C8orf34: variants seen among roughly 807,000 people sequenced by gnomAD.
C8orf34 encodes chromosome 8 open reading frame 34.
A neutral mutation model predicts 68.3 loss-of-function variants in C8orf34; 65 were observed. The observed-to-expected ratio is 0.95, with a 90% confidence interval of 0.78 to 1.17. The LOEUF (loss-of-function observed/expected upper bound fraction) is 1.17, where lower values mean the gene tolerates loss of function less well. C8orf34 is among the 50% of genes most tolerant of loss of function. The pLI is 0.00. For missense variants in C8orf34, 664 were observed against 655.4 expected, an observed-to-expected ratio of 1.01 and a Z score of -0.14; for synonymous variants, 244 against 241.2, an observed-to-expected ratio of 1.01 and a Z score of -0.11.
chr8:68,597,218 T>C (rs1012559783), intron 7 of C8orf34, among the ~76,000 whole-genome samples: 2 of 151,914 alleles, frequency 1.3e-5, no homozygotes, highest in Non-Finnish European at 2.9e-5. Context: ...GGATACCCCC[T>C]TGGAACAAGC....
At chr8:68,791,835 A>G (rs528590156) in intron 12 of C8orf34, 52 of 152,338 alleles carry the variant, frequency 3.4e-4, no homozygotes, top group African/African-American at 1.2e-3. Context: ...GGACTGACTC[A>G]GGTATAAAAA....
chr8:68,523,796 G>A (rs753345348), intron 6 of C8orf34, among the ~76,000 whole-genome samples: 51 of 152,260 alleles, frequency 3.3e-4, no homozygotes, highest in Admixed American at 2.0e-3. Context: ...TCCAGAGTCC[G>A]TAACTATAGT....
At chr8:68,685,461 G>T (rs184078539) in intron 8 of C8orf34, among the ~76,000 whole-genome samples, 1 of 152,014 alleles carries the variant, frequency 6.6e-6, no homozygotes, top group South Asian at 2.1e-4. Context: ...AAAATTGTCC[G>T]TGTATAAATC....
intron 8 of C8orf34, among the ~76,000 whole-genome samples, chr8:68,701,562 A>C (rs1821018079): frequency 6.6e-6 from 1 of 151,702 alleles, no homozygotes; most frequent in Admixed American, 6.6e-5. Context: ...AAGCCAGTCC[A>C]TTTCTGAGCA....
chr8:68,490,375 T>C lies in C8orf34; in HGVS notation c.765+2324T>C, dbSNP rs73264494. ...GCTTTGGTGTCCACACCTTTGTTGA[T>C]GAGCTAAAGAATTTTAACTGTTCTT... On this transcript the variant is annotated intron_variant, in intron 5 of 13. Transcript: ENST00000518698. Among the ~76,000 whole-genome samples, 1,298 of 152,254 alleles carry C rather than the reference T, an allele frequency of 8.5e-3. 20 individuals are homozygous for C. The highest frequency in any genetic ancestry group is 0.027 in the African/African-American group (1,139 of 41,536).
At chr8:68,421,351 C>G (rs902940708) in intron 1 of C8orf34, among the ~76,000 whole-genome samples, 1 of 152,034 alleles carries the variant, frequency 6.6e-6, no homozygotes, top group African/African-American at 2.4e-5. Context: ...AGATTGGGAG[C>G]CAAAGAGGCT....
chr8:68,614,967 A>G (rs1225855428), intron 7 of C8orf34, among the ~76,000 whole-genome samples: 1 of 152,216 alleles, frequency 6.6e-6, no homozygotes, highest in Non-Finnish European at 1.5e-5. Flanking sequence ...TATTTCATTG[A>G]GCAGTGGTTT....
At position 68,466,765 on chromosome 8, in the gene C8orf34, A is replaced by ATATATATATATG. The variant is rs1242128072; in HGVS notation, c.608-1927_608-1926insTATATATATATG. 9.6e-4 allele frequency among the ~76,000 whole-genome samples: 119 copies of ATATATATATATG among 123,326 alleles called. 2 individuals are homozygous for ATATATATATATG. The highest frequency in any genetic ancestry group is 1.4e-3 in the Non-Finnish European group (78 of 57,120). The allele number at this position is 123,326 out of a possible 152,430, so 80.9% of individuals were successfully genotyped here. On this transcript the variant is annotated intron_variant, in intron 3 of 13. Transcript: ENST00000518698. ...TATATATATATATATATATATATAT[A>ATATATATATATG]GATGCTTTCATTTCTTTATGATGAC...
intron 10 of C8orf34, among the ~76,000 whole-genome samples, chr8:68,765,128 A>C (rs1373241517): frequency 6.6e-6 from 1 of 152,244 alleles, no homozygotes. Flanking sequence ...TAATAATGAC[A>C]GCCAGGGATT....
intron 4 of C8orf34, among the ~76,000 whole-genome samples, chr8:68,478,586 G>A (rs1812722314): frequency 6.6e-6 from 1 of 152,170 alleles, no homozygotes; most frequent in Admixed American, 6.5e-5. Context: ...CTGCTATAAA[G>A]AAATGCCTGA....
At chr8:68,510,185 G>A (rs529664478) in intron 5 of C8orf34, among the ~76,000 whole-genome samples, 18 of 152,218 alleles carry the variant, frequency 1.2e-4, no homozygotes, top group East Asian at 1.2e-3. Context: ...ACTCCCTATC[G>A]TAAGCCAAAT....
chr8:68,411,524 T>C (rs1449144120), intron 1 of C8orf34, among the ~76,000 whole-genome samples: 1 of 152,196 alleles, frequency 6.6e-6, no homozygotes, highest in Admixed American at 6.6e-5. Flanking sequence ...CTATTTATTG[T>C]CCATCAAAGA....
At chr8:68,565,555 C>G (rs115473745) in intron 7 of C8orf34, among the ~76,000 whole-genome samples, 1 of 152,148 alleles carries the variant, frequency 6.6e-6, no homozygotes. Flanking sequence ...TAAAAGACAA[C>G]GTAGGAATGC....
At chr8:68,488,189 G>T in intron 5 of C8orf34, 138 bp downstream of exon 5, 1 of 575,790 alleles carries the variant, frequency 1.7e-6, no homozygotes, top group Non-Finnish European at 3.0e-6. Context: ...AACTTTGAAA[G>T]TTAAATGCAT....
intron 7 of C8orf34, among the ~76,000 whole-genome samples, chr8:68,568,145 A>C (rs1816652846): frequency 6.6e-6 from 1 of 152,142 alleles, no homozygotes; most frequent in South Asian, 2.1e-4. Flanking sequence ...GCCCCAAAGC[A>C]ATTACAATAG....
chr8:68,528,206 T>C (rs1563509605), intron 6 of C8orf34, among the ~76,000 whole-genome samples: 1 of 152,278 alleles, frequency 6.6e-6, no homozygotes, highest in East Asian at 1.9e-4. Context: ...CTTTACCTAC[T>C]CTTCGCCATG....
chr8:68,339,792 G>T (rs1470729302), intron 1 of C8orf34, among the ~76,000 whole-genome samples: 2 of 151,794 alleles, frequency 1.3e-5, no homozygotes, highest in Non-Finnish European at 2.9e-5. Context: ...TCAATAAAAT[G>T]GACTTATTTA....
chr8:68,371,489 C>A (rs1224269225), intron 1 of C8orf34, among the ~76,000 whole-genome samples: 1 of 151,964 alleles, frequency 6.6e-6, no homozygotes, highest in Non-Finnish European at 1.5e-5. Context: ...TATATGACAA[C>A]TATAAGAAAC....
intron 2 of C8orf34, among the ~76,000 whole-genome samples, chr8:68,445,956 AT>A (rs1234813615): frequency 1.3e-5 from 2 of 151,968 alleles, no homozygotes; most frequent in African/African-American, 2.4e-5. Context: ...TGCCCGGCTA[AT>A]TTTTGTGTTT....
Sources: allele counts gnomAD v4.1 joint callset (sites outside exome capture counted in the v4.1 genomes callset), GRCh38; gene constraint gnomAD v4.1.1; transcripts MANE v1.5; gene names NCBI Gene and HGNC (gene_info 2026-07-23, HGNC 2026-07-21).